Variants in CACNB2 observed in about 807,000 individuals in gnomAD.
CACNB2 encodes calcium voltage-gated channel auxiliary subunit beta 2.
A neutral mutation model predicts 73.3 loss-of-function variants in CACNB2; 42 were observed. The observed-to-expected ratio is 0.57, with a 90% CI of 0.45 to 0.74. The LOEUF (loss-of-function observed/expected upper bound fraction) is 0.74. CACNB2 is among the 30% of genes least tolerant of loss of function. CACNB2 has a pLI of 0.00. For synonymous variants in CACNB2, 348 were observed against 310.3 expected (o/e 1.12, Z -1.28); for missense variants, 940 against 853.0 (o/e 1.10, Z -1.27).
rs1042216332 is a variant in CACNB2 at position 18,232,146 on chromosome 10, G to A, written c.213+81171G>A. 4.6e-5 allele frequency among the ~76,000 whole-genome samples: 7 copies of A among 152,112 alleles called. 1 individual carries two copies. ...TTTCTTTTGGGGTTGATCATTGGAG[G>A]AAATATTTAAAACCATAGTGAGAAG... is the stretch of plus-strand genomic sequence containing the variant. On this transcript the variant is annotated intron_variant, in intron 2 of 13. Coordinates refer to ENST00000324631, the MANE Select transcript of CACNB2 (RefSeq NM_201596.3).
chr10:18,265,187 G>A (rs1174875510), intron 2 of CACNB2, among the ~76,000 whole-genome samples: 1 of 113,538 alleles, frequency 8.8e-6, no homozygotes, highest in African/African-American at 3.5e-5. Context: ...GTCTCACTCT[G>A]TTGCCCAGGC....
chr10:18,347,569 C>G (rs1273686698), intron 2 of CACNB2, among the ~76,000 whole-genome samples: 1 of 150,036 alleles, frequency 6.7e-6, no homozygotes, highest in Non-Finnish European at 1.5e-5. Flanking sequence ...TTTTTTTTTC[C>G]CCCTATACAA....
intron 3 of CACNB2, among the ~76,000 whole-genome samples, chr10:18,448,175 G>A (rs1183766096): frequency 2.0e-5 from 3 of 151,856 alleles, no homozygotes; most frequent in African/African-American, 4.8e-5. Flanking sequence ...AAAATCCCTG[G>A]AATGGTAGTT....
chr10:18,500,944 T>C lies in CACNB2; in HGVS notation c.589T>C (p.Ser197Pro). 6.2e-7 allele frequency: 1 copy of C among 1,613,986 alleles called. No homozygotes were observed. ...EQRAKQGKFYSSKSGGNSSSS... is the reference protein window; with the variant it reads ...EQRAKQGKFYPSKSGGNSSSS... ...GAGAGCCAAGCAAGGGAAATTCTAC[T>C]CCAGGTATGAGACAGATGTCAAGTG... Residue 197 changes from serine (S) to proline (P), a missense_variant, in exon 5 of 14, where the codon TCC (serine) becomes CCC (proline). Physicochemically the swap from Ser to Pro is moderately conservative, Grantham distance 74. Coordinates refer to ENST00000324631, the MANE Select transcript of CACNB2 (RefSeq NM_201596.3).
chr10:18,476,338 A>C (rs2048438252), intron 3 of CACNB2, among the ~76,000 whole-genome samples: 1 of 152,248 alleles, frequency 6.6e-6, no homozygotes, highest in Non-Finnish European at 1.5e-5. Flanking sequence ...GCAAGGAAAG[A>C]ATGAAGCAAC....
chr10:18,431,566 C>A (rs60875719), intron 3 of CACNB2, among the ~76,000 whole-genome samples: 4,367 of 152,186 alleles, frequency 0.029, 250 homozygotes, highest in African/African-American at 0.099. Flanking sequence ...TGATATGAAA[C>A]ATCAAGAGCT....
chr10:18,534,890 TA>T (rs1449358534), intron 11 of CACNB2, among the ~76,000 whole-genome samples: 1 of 152,224 alleles, frequency 6.6e-6, no homozygotes, highest in Non-Finnish European at 1.5e-5. Context: ...CGACTTGGTG[TA>T]GCAGATATTT....
chr10:18,212,897 C>T (rs2035373850), intron 2 of CACNB2, among the ~76,000 whole-genome samples: 1 of 152,164 alleles, frequency 6.6e-6, no homozygotes, highest in Admixed American at 6.5e-5. Context: ...AGTGAGAGCC[C>T]TGGCAATAGT....
rs1464850212 is a variant in CACNB2, at chr10:18,539,226, C to T, written c.1489-4C>T. 3.1e-6 allele frequency: 5 copies of T among 1,613,876 alleles called. No homozygotes were observed. The South Asian group carries it at 5.5e-5, about 18-fold the overall frequency. On this transcript the variant is annotated splice_polypyrimidine_tract_variant and splice_region_variant and intron_variant, in intron 13 of 13. Transcript: ENST00000324631. ...AACGCCTGGTGTGCTCCTTTCGCTGCCAGGGTTCTCAAGGTGATCAGAGGA... is the reference window on the plus strand; with the variant it reads ...AACGCCTGGTGTGCTCCTTTCGCTGTCAGGGTTCTCAAGGTGATCAGAGGA...
At chr10:18,527,052 C>T (rs2052540566) in intron 9 of CACNB2, among the ~76,000 whole-genome samples, 1 of 152,168 alleles carries the variant, frequency 6.6e-6, no homozygotes, top group Admixed American at 6.5e-5. Context: ...ACTTATCTGA[C>T]ACTTGTAAGC....
intron 3 of CACNB2, among the ~76,000 whole-genome samples, chr10:18,421,136 G>T (rs1222199287): frequency 6.6e-6 from 1 of 151,866 alleles, no homozygotes; most frequent in African/African-American, 2.4e-5. Context: ...TGTTAACTCT[G>T]GTCCAAGAAA....
At chr10:18,335,634 T>A (rs1192276598) in intron 2 of CACNB2, among the ~76,000 whole-genome samples, 1 of 152,072 alleles carries the variant, frequency 6.6e-6, no homozygotes, top group East Asian at 1.9e-4. Flanking sequence ...TACATGAACC[T>A]CAATTATTCT....
chr10:18,346,675 C>A (rs2041470540), intron 2 of CACNB2, among the ~76,000 whole-genome samples: 2 of 152,058 alleles, frequency 1.3e-5, no homozygotes, highest in Admixed American at 1.3e-4. Context: ...CAGCTTACTG[C>A]AACCTCCGCC....
At chr10:18,287,889 G>T (rs1408594879) in intron 2 of CACNB2, among the ~76,000 whole-genome samples, 1 of 152,088 alleles carries the variant, frequency 6.6e-6, no homozygotes, top group South Asian at 2.1e-4. Flanking sequence ...TGTTACTGGG[G>T]CTGTGCTATT....
intron 1 of CACNB2, among the ~76,000 whole-genome samples, chr10:18,142,517 T>G (rs1469768832): frequency 6.6e-6 from 1 of 152,196 alleles, no homozygotes; most frequent in Non-Finnish European, 1.5e-5. Context: ...ATGAAGGTCT[T>G]GAATACTATC....
intron 3 of CACNB2, among the ~76,000 whole-genome samples, chr10:18,471,134 A>G (rs2048166710): frequency 6.6e-6 from 1 of 152,100 alleles, no homozygotes. Flanking sequence ...GTGAAACCCC[A>G]TCTCTACTAA....
intron 2 of CACNB2, among the ~76,000 whole-genome samples, chr10:18,163,364 T>G (rs2032612507): frequency 6.6e-6 from 1 of 152,192 alleles, no homozygotes; most frequent in Non-Finnish European, 1.5e-5. Flanking sequence ...TTGGGAATGT[T>G]TACGTGTTTG....
chr10:18,525,816 C>T (rs1415661819), intron 9 of CACNB2, among the ~76,000 whole-genome samples: 9 of 151,706 alleles, frequency 5.9e-5, no homozygotes, highest in Admixed American at 5.9e-4. Context: ...TTTTGTTTTA[C>T]CCTTTGGAAA....
intron 11 of CACNB2, 37 bp downstream of exon 11, chr10:18,534,264 C>T (rs1221441061): frequency 1.3e-6 from 2 of 1,555,752 alleles, no homozygotes; most frequent in African/African-American, 1.4e-5. Flanking sequence ...TATAATCAAA[C>T]TTTCCTAAAA....
Sources: gnomAD v4.1 joint callset for allele counts (sites outside exome capture counted in the v4.1 genomes callset) on GRCh38, gnomAD v4.1.1 for gene constraint, MANE v1.5 for transcripts, NCBI Gene and HGNC (gene_info 2026-07-23, HGNC 2026-07-21) for gene names.